GPR107: variants seen among roughly 807,000 people sequenced by gnomAD.
GPR107 encodes the protein protein GPR107.
In GPR107, 31 loss-of-function variants were observed where a neutral mutation model predicts 75.5. That is an observed-to-expected ratio of 0.41 (90% CI 0.31 to 0.55). The LOEUF (loss-of-function observed/expected upper bound fraction) is 0.55, where lower values mean the gene tolerates loss of function less well. Ranked by LOEUF, GPR107 falls within the 20% of genes least tolerant of loss-of-function variation. GPR107 has a pLI of 0.26. For synonymous variants in GPR107, 267 were observed against 251.3 expected, an observed-to-expected ratio of 1.06 and a Z score of -0.59; for missense variants, 572 against 665.7, an observed-to-expected ratio of 0.86 and a Z score of 1.55.
At chr9:130,125,372 C>T (rs375686680) in intron 15 of GPR107, among the ~76,000 whole-genome samples, 26 of 149,248 alleles carry the variant, frequency 1.7e-4, no homozygotes, top group African/African-American at 5.9e-4. Flanking sequence ...TGAGTCACTG[C>T]GCCTGGCCAG....
chr9:130,057,491 C>A lies in GPR107; in HGVS notation c.141+3418C>A, dbSNP rs1334967682. 2.4e-5 allele frequency among the ~76,000 whole-genome samples: 3 copies of A among 124,076 alleles called. No individual in the cohort carries two copies. In the Admixed American group the frequency reaches 2.6e-4, roughly 11 times the overall value. The allele number at this position is 124,076 out of a possible 152,430, so 81.4% of individuals were successfully genotyped here. A position where few individuals can be genotyped will look rare whatever the true frequency, so the allele number is the denominator to read the frequency against. On this transcript the variant is annotated intron_variant, in intron 1 of 17. Transcript: ENST00000347136. Reference sequence around the variant, plus strand: ...CTCCAGCCTGGGGGACAGAGTGAGACCCTATTTCTTAAAAAAAAAAAAAAA... The same window carrying A: ...CTCCAGCCTGGGGGACAGAGTGAGAACCTATTTCTTAAAAAAAAAAAAAAA...
intron 9 of GPR107, among the ~76,000 whole-genome samples, chr9:130,094,376 G>A (rs544691733): frequency 6.6e-6 from 1 of 152,168 alleles, no homozygotes; most frequent in Non-Finnish European, 1.5e-5. Flanking sequence ...CCTGGGAGGT[G>A]GAGCTTGCAG....
In GPR107 at chr9:130,056,952, G is replaced by C. The variant is rs776354639; in HGVS notation, c.141+2879G>C. 3.5e-3 allele frequency among the ~76,000 whole-genome samples: 259 copies of C among 73,322 alleles called. 5 individuals carry two copies. Among genetic ancestry groups the C allele is most frequent in the African/African-American group, 0.014 (251 of 18,428 alleles). The allele number at this position is 73,322 out of a possible 152,430, so 48.1% of individuals were successfully genotyped here. On this transcript the variant is annotated intron_variant, in intron 1 of 17. Transcript: ENST00000347136. The stretch of plus-strand genomic sequence containing the variant: ...AAAAAAAAAAAAAAAAAAAAAAAAA[G>C]AAAGTTCACAAATTTGTGTTGGGCC...
chr9:130,134,662 G>T (rs1554899669), intron 17 of GPR107, among the ~76,000 whole-genome samples: 7 of 152,248 alleles, frequency 4.6e-5, no homozygotes, highest in Non-Finnish European at 4.4e-5. Context: ...TTAAGAGTCA[G>T]ATTTCAGTCT....
intron 5 of GPR107, among the ~76,000 whole-genome samples, chr9:130,080,702 A>C (rs1830473969): frequency 6.6e-6 from 1 of 151,158 alleles, no homozygotes; most frequent in Non-Finnish European, 1.5e-5. Flanking sequence ...GGTGTTAGCT[A>C]GGATGGTCTC....
intron 1 of GPR107, among the ~76,000 whole-genome samples, chr9:130,058,533 C>T (rs1041820836): frequency 1.3e-5 from 2 of 151,546 alleles, no homozygotes; most frequent in Admixed American, 6.6e-5. Flanking sequence ...GGCGTTATCT[C>T]GGCTCACTGC....
rs925971317 is a variant in GPR107 at position 130,139,540 on chromosome 9, G to C, written c.*4419G>C. 1 of 152,230 alleles carries C rather than the reference G, an allele frequency of 6.6e-6. No individual in the cohort carries two copies. The highest frequency in any genetic ancestry group is 6.5e-5 in the Admixed American group (1 of 15,280). 9.4% of individuals were successfully genotyped at this position (152,230 alleles called of 1,614,324 possible). A position where few individuals can be genotyped will look rare whatever the true frequency, so the allele number is the denominator to read the frequency against. On this transcript the variant is annotated 3_prime_UTR_variant, in exon 18 of 18. Transcript: ENST00000347136. ...AGGCCATGGGCCCCACACATCTCAG[G>C]CCCTGTGTGAGGGAGCACACTGAGA... is the stretch of plus-strand genomic sequence containing the variant.
chr9:130,095,445 A>C (rs1156281726), intron 9 of GPR107, among the ~76,000 whole-genome samples: 1 of 151,974 alleles, frequency 6.6e-6, no homozygotes, highest in African/African-American at 2.4e-5. Flanking sequence ...GCCAGGCTGG[A>C]GTGCAGTGGT....
At chr9:130,123,349 G>T (rs764456318) in intron 14 of GPR107, among the ~76,000 whole-genome samples, 2 of 151,920 alleles carry the variant, frequency 1.3e-5, no homozygotes. Context: ...GATTACAGGC[G>T]CCCACCACCA....
At chr9:130,124,632 C>G (rs894128044) in intron 14 of GPR107, among the ~76,000 whole-genome samples, 1 of 152,172 alleles carries the variant, frequency 6.6e-6, no homozygotes, top group African/African-American at 2.4e-5. Context: ...TCAGTATACT[C>G]CCACCATAGC....
intron 14 of GPR107, among the ~76,000 whole-genome samples, chr9:130,110,789 T>C (rs916628124): frequency 2.0e-5 from 3 of 152,158 alleles, no homozygotes; most frequent in African/African-American, 7.2e-5. Context: ...GTGGGCATGC[T>C]TCCAGTCGCT....
chr9:130,128,402 T>A (rs55725664), intron 16 of GPR107, among the ~76,000 whole-genome samples: 1,655 of 152,294 alleles, frequency 0.011, 30 homozygotes, highest in African/African-American at 0.038. Flanking sequence ...AAGCTACCCA[T>A]GAAGACTGGT....
At chr9:130,113,661 C>T (rs1383259745) in intron 14 of GPR107, among the ~76,000 whole-genome samples, 1 of 152,166 alleles carries the variant, frequency 6.6e-6, no homozygotes, top group East Asian at 1.9e-4. Flanking sequence ...CATTGTCTTC[C>T]ACCTGGCCAG....
In GPR107 at chr9:130,076,404, C is replaced by T. The variant is rs185428457; in HGVS notation, c.256-8C>T. ...ATATTTACTTCTACTGTTTTTACTC[C>T]CCATTAGATTGGATTTAGCCTAGAC... On this transcript the variant is annotated splice_polypyrimidine_tract_variant and splice_region_variant and intron_variant, in intron 2 of 17. Transcript: ENST00000347136. 425 of 1,512,194 alleles carry T rather than the reference C, an allele frequency of 2.8e-4. 3 individuals carry two copies. The African/African-American group carries it at 5.5e-3, about 20-fold the overall frequency. 93.7% of individuals were successfully genotyped at this position (1,512,194 alleles called of 1,614,324 possible).
At chr9:130,065,609 A>C (rs1001974646) in intron 1 of GPR107, among the ~76,000 whole-genome samples, 1 of 150,320 alleles carries the variant, frequency 6.7e-6, no homozygotes, top group African/African-American at 2.5e-5. Context: ...CTACCAAAAA[A>C]TGCAAAAATT....
intron 15 of GPR107, among the ~76,000 whole-genome samples, chr9:130,126,550 G>A (rs148675750): frequency 2.0e-5 from 3 of 152,004 alleles, no homozygotes; most frequent in Admixed American, 6.5e-5. Flanking sequence ...GGTTTTCTCC[G>A]TGTTGGTCAG....
chr9:130,054,145 C>T (rs1384915044), intron 1 of GPR107, 72 bp downstream of exon 1: 8 of 1,366,838 alleles, frequency 5.9e-6, no homozygotes, highest in East Asian at 5.2e-5. Flanking sequence ...CAACTTTGGC[C>T]CATTGGGGAC....
At chr9:130,107,639 T>A (rs1831192148) in intron 14 of GPR107, 100 bp downstream of exon 14, 1 of 842,056 alleles carries the variant, frequency 1.2e-6, no homozygotes, top group South Asian at 1.3e-5. Flanking sequence ...GTCAAGATGC[T>A]GTCTTCCTGG....
At chr9:130,078,818 A>G (rs554615177) in intron 4 of GPR107, among the ~76,000 whole-genome samples, 1 of 152,328 alleles carries the variant, frequency 6.6e-6, no homozygotes, top group South Asian at 2.1e-4. Flanking sequence ...GCATCCACTC[A>G]GTCATGGGAA....
Sources: allele counts gnomAD v4.1 joint callset (sites outside exome capture counted in the v4.1 genomes callset), GRCh38; gene constraint gnomAD v4.1.1; transcripts MANE v1.5; gene names NCBI Gene and HGNC (gene_info 2026-07-23, HGNC 2026-07-21).